FBN1: variants seen among roughly 807,000 people sequenced by gnomAD.
FBN1 encodes the protein fibrillin-1.
In FBN1, 29 loss-of-function variants were observed where a neutral mutation model predicts 365.1. That is an observed-to-expected ratio of 0.08 (90% CI 0.06 to 0.11). The LOEUF (loss-of-function observed/expected upper bound fraction) is 0.11, where lower values mean the gene tolerates loss of function less well. Among genes scored for constraint, FBN1 ranks in the 10% least tolerant of loss-of-function variants. The probability of loss-of-function intolerance (pLI) is 1.00; values close to 1 mark genes in which losing one functional copy is unlikely to be tolerated. For synonymous variants in FBN1, 1,210 were observed against 1,270.5 expected (o/e 0.95, Z 1.01); for missense variants, 2,476 against 3,703.2 (o/e 0.67, Z 8.60).
chr15:48,623,389 T>C (rs1425062910), intron 2 of FBN1, among the ~76,000 whole-genome samples: 1 of 152,268 alleles, frequency 6.6e-6, no homozygotes, highest in Non-Finnish European at 1.5e-5. Flanking sequence ...TTCACTGACA[T>C]GCCTGTCATT....
chr15:48,432,050 T>C (rs2043026387), intron 55 of FBN1, among the ~76,000 whole-genome samples: 1 of 152,228 alleles, frequency 6.6e-6, no homozygotes, highest in African/African-American at 2.4e-5. Context: ...TATTCTCTAC[T>C]GGTTCTTCCC....
chr15:48,412,548 A>C lies in FBN1; in HGVS notation c.8226+21T>G, dbSNP rs1471697922. 1.1e-5 allele frequency: 17 copies of C among 1,613,372 alleles called. No individual in the cohort carries two copies. The East Asian group carries it at 3.8e-4, about 36-fold the overall frequency. The stretch of plus-strand genomic sequence containing the variant: ...GCTTTCCACCACAGGAGACATCAGG[A>C]GAAACTAACTTCTGACCCACCTCGA... On this transcript the variant is annotated intron_variant, in intron 65 of 65. Transcript: ENST00000316623.
chr15:48,528,644 T>C (rs1349403064), intron 8 of FBN1, among the ~76,000 whole-genome samples: 1 of 152,168 alleles, frequency 6.6e-6, no homozygotes, highest in Non-Finnish European at 1.5e-5. Flanking sequence ...CCTAGGTACA[T>C]GCCTTTGAAA....
chr15:48,553,804 T>C (rs924598970), intron 6 of FBN1, among the ~76,000 whole-genome samples: 5 of 152,200 alleles, frequency 3.3e-5, no homozygotes, highest in Non-Finnish European at 7.3e-5. Context: ...TATGAGCTGG[T>C]TGTGCTTCAG....
At chr15:48,550,757 C>G (rs758293251) in intron 6 of FBN1, among the ~76,000 whole-genome samples, 2 of 152,108 alleles carry the variant, frequency 1.3e-5, no homozygotes, top group Non-Finnish European at 2.9e-5. Context: ...TATTTTTCCA[C>G]CAAATTCCTC....
intron 56 of FBN1, 53 bp downstream of exon 56, chr15:48,430,618 G>A (rs979156096): frequency 1.9e-6 from 3 of 1,608,916 alleles, no homozygotes; most frequent in South Asian, 1.1e-5. Context: ...GGTTCCTTCT[G>A]TCCACTGTCA....
chr15:48,601,655 A>C (rs1234107366), intron 4 of FBN1, among the ~76,000 whole-genome samples: 2 of 152,162 alleles, frequency 1.3e-5, no homozygotes, highest in East Asian at 3.9e-4. Context: ...ATCCTCAGCC[A>C]CGGTATTGAA....
intron 43 of FBN1, 96 bp downstream of exon 43, chr15:48,460,150 A>T: frequency 1.2e-6 from 1 of 868,450 alleles, no homozygotes; most frequent in Non-Finnish European, 2.0e-6. Flanking sequence ...ATTGTTTAAT[A>T]TTTTTTTTCC....
In FBN1 at chr15:48,495,601, C is replaced by T. The variant is rs1175732887; in HGVS notation, c.2420-13G>A. The T allele has an allele frequency of 1.2e-6, 2 of 1,614,008 alleles. No individual in the cohort carries two copies. Among genetic ancestry groups the T allele is most frequent in the Non-Finnish European group, 1.7e-6 (2 of 1,179,958 alleles). On this transcript the variant is annotated splice_polypyrimidine_tract_variant and intron_variant, in intron 20 of 65. Transcript: ENST00000316623. ...CATTCATCAATGTCTGAAACAAAAA[C>T]AGGTCTACATTACTGCTAAAATCTA...
intron 5 of FBN1, among the ~76,000 whole-genome samples, chr15:48,598,703 G>A (rs956187143): frequency 6.6e-6 from 1 of 152,094 alleles, no homozygotes; most frequent in African/African-American, 2.4e-5. Context: ...TCAAGACTCA[G>A]CCCAAGGATC....
rs2042838321 is a variant in FBN1, at chr15:48,408,811, C to T, written c.*2179G>A. ...CTATTAAAAATATCAAAGTGATCCACTGTGTGCCAACTCCATTTTCCCCTG... is the reference window on the plus strand; with the variant it reads ...CTATTAAAAATATCAAAGTGATCCATTGTGTGCCAACTCCATTTTCCCCTG... On this transcript the variant is annotated 3_prime_UTR_variant, in exon 66 of 66. Transcript: ENST00000316623. 6.6e-6 allele frequency: 1 copy of T among 152,612 alleles called. No homozygotes were observed. The highest frequency in any genetic ancestry group is 2.1e-4 in the South Asian group (1 of 4,826). The allele number at this position is 152,612 out of a possible 1,614,324, so 9.5% of individuals were successfully genotyped here.
chr15:48,536,354 C>G lies in FBN1; in HGVS notation c.736+1257G>C, dbSNP rs8035078. ...AGGCAGTTCATTATCCCCACCCCCC[C>G]AATTCCATTAGCACCCTAACCTCTG... is the stretch of plus-strand genomic sequence containing the variant. On this transcript the variant is annotated intron_variant, in intron 7 of 65. Coordinates refer to ENST00000316623, the MANE Select transcript of FBN1 (RefSeq NM_000138.5). Among the ~76,000 whole-genome samples, 506 of 152,168 alleles carry G rather than the reference C, an allele frequency of 3.3e-3. 5 individuals are homozygous for G. Among genetic ancestry groups the G allele is most frequent in the Middle Eastern group, 6.8e-3 (2 of 294 alleles).
intron 65 of FBN1, 60 bp from the exon 66 acceptor site, chr15:48,411,439 T>A: frequency 6.6e-7 from 1 of 1,519,494 alleles, no homozygotes; most frequent in East Asian, 2.3e-5. Context: ...AGCTCTCATA[T>A]TAAAGAAAAA....
intron 34 of FBN1, 96 bp downstream of exon 34, chr15:48,474,159 G>C: frequency 6.4e-7 from 1 of 1,551,846 alleles, no homozygotes; most frequent in Non-Finnish European, 8.9e-7. Context: ...TCTATTAACT[G>C]ACCCAGTCTT....
chr15:48,548,983 G>A (rs1356066393), intron 6 of FBN1, among the ~76,000 whole-genome samples: 1 of 152,150 alleles, frequency 6.6e-6, no homozygotes, highest in Non-Finnish European at 1.5e-5. Flanking sequence ...CATCATATTC[G>A]CCATCCTGGG....
rs918915683 is a variant in FBN1 at position 48,409,840 on chromosome 15, C to A, written c.*1150G>T. 3 of 152,168 alleles carry A rather than the reference C, an allele frequency of 2.0e-5. No individual in the cohort carries two copies. Among genetic ancestry groups the A allele is most frequent in the African/African-American group, 7.2e-5 (3 of 41,444 alleles). The allele number at this position is 152,168 out of a possible 1,614,324, so 9.4% of individuals were successfully genotyped here. A position where few individuals can be genotyped will look rare whatever the true frequency, so the allele number is the denominator to read the frequency against. On this transcript the variant is annotated 3_prime_UTR_variant, in exon 66 of 66. Transcript: ENST00000316623. ...AGGTCATGTTTCAGAAATGACTCTA[C>A]AATCTAAATTTCTCACAAGCAAGTC...
intron 60 of FBN1, 151 bp downstream of exon 60, chr15:48,425,218 A>G: frequency 9.8e-7 from 1 of 1,022,978 alleles, no homozygotes; most frequent in South Asian, 1.3e-5. Flanking sequence ...CCTCCAGCAC[A>G]GGAGGTAGGT....
chr15:48,484,892 C>A (rs765287523), intron 30 of FBN1, among the ~76,000 whole-genome samples: 1 of 152,204 alleles, frequency 6.6e-6, no homozygotes, highest in Non-Finnish European at 1.5e-5. Context: ...ACCACTGGTT[C>A]TCAAACTTTA....
At chr15:48,449,927 A>G (rs2043187925) in intron 45 of FBN1, among the ~76,000 whole-genome samples, 1 of 152,068 alleles carries the variant, frequency 6.6e-6, no homozygotes, top group East Asian at 1.9e-4. Flanking sequence ...CATCTCCTCC[A>G]TTTCATGTGT....
Sources: gnomAD v4.1 joint callset for allele counts (sites outside exome capture counted in the v4.1 genomes callset) on GRCh38, gnomAD v4.1.1 for gene constraint, MANE v1.5 for transcripts, NCBI Gene and HGNC (gene_info 2026-07-23, HGNC 2026-07-21) for gene names.